Variants in GPC6 observed in about 807,000 individuals in gnomAD.
The protein encoded by GPC6 is glypican 6, also known as glypican-6.
Under a neutral mutation model 55.2 loss-of-function variants are expected in GPC6, and 14 were observed. That is an observed-to-expected ratio of 0.25 (90% CI 0.17 to 0.40). The LOEUF (loss-of-function observed/expected upper bound fraction) is 0.40. GPC6 is among the 10% of genes least tolerant of loss of function. GPC6 has a pLI of 1.00. For missense variants in GPC6, 641 were observed against 708.5 expected (o/e 0.90, Z 1.08); for synonymous variants, 278 against 259.6 (o/e 1.07, Z -0.68).
chr13:93,599,243 A>C (rs544555527), intron 2 of GPC6, among the ~76,000 whole-genome samples: 1 of 152,020 alleles, frequency 6.6e-6, no homozygotes, highest in South Asian at 2.1e-4. Flanking sequence ...TTGATTTTTC[A>C]AGCTTCATTT....
chr13:94,268,635 A>AT (rs376130153), intron 4 of GPC6, among the ~76,000 whole-genome samples: 37 of 151,694 alleles, frequency 2.4e-4, no homozygotes, highest in South Asian at 1.7e-3. Context: ...AGATATTCTG[A>AT]TTTTTTTTTC....
At chr13:94,110,260 G>T (rs1314028601) in intron 4 of GPC6, among the ~76,000 whole-genome samples, 1 of 151,890 alleles carries the variant, frequency 6.6e-6, no homozygotes, top group East Asian at 1.9e-4. Flanking sequence ...AGGAGTAGTG[G>T]AAGATGAGAT....
chr13:93,288,075 T>A (rs186716313), intron 1 of GPC6, among the ~76,000 whole-genome samples: 30 of 152,324 alleles, frequency 2.0e-4, no homozygotes, highest in African/African-American at 7.2e-4. Context: ...GTGAATTATC[T>A]AGAGTGAGCT....
Position 94,199,665 on chromosome 13 carries a change from G to A in GPC6, c.878-86684G>A, listed in dbSNP as rs571792822. On this transcript the variant is annotated intron_variant, in intron 4 of 8. Coordinates refer to ENST00000377047, the MANE Select transcript of GPC6 (RefSeq NM_005708.5). ...GTTCTTTTTCATAGAGTTGTTTGAG[G>A]ATTAAATGGGTAGACAATATATGTG... Among the ~76,000 whole-genome samples, 378 of 152,260 alleles carry A rather than the reference G, an allele frequency of 2.5e-3. 4 individuals are homozygous for A. The highest frequency in any genetic ancestry group is 2.6e-4 in the Non-Finnish European group (18 of 68,016).
chr13:94,397,701 C>G (rs185647858), intron 7 of GPC6, among the ~76,000 whole-genome samples: 1 of 152,228 alleles, frequency 6.6e-6, no homozygotes, highest in African/African-American at 2.4e-5. Context: ...AATTTATAAG[C>G]CCAGTTCTTA....
chr13:93,480,060 T>C (rs1879459261), intron 1 of GPC6, among the ~76,000 whole-genome samples: 1 of 152,190 alleles, frequency 6.6e-6, no homozygotes, highest in Non-Finnish European at 1.5e-5. Context: ...CATGAGACAG[T>C]TTTGTTACTT....
chr13:93,301,936 A>G (rs1878696151), intron 1 of GPC6, among the ~76,000 whole-genome samples: 1 of 152,230 alleles, frequency 6.6e-6, no homozygotes, highest in African/African-American at 2.4e-5. Context: ...TACTAGTGTA[A>G]GGAACAAGAT....
chr13:94,264,330 GAATA>G (rs1426036178), intron 4 of GPC6, among the ~76,000 whole-genome samples: 5 of 152,094 alleles, frequency 3.3e-5, no homozygotes, highest in Non-Finnish European at 4.4e-5. Flanking sequence ...CTGTGCTAAG[GAATA>G]AATAAATAAA....
chr13:94,080,165 G>T (rs1465197606), intron 4 of GPC6, among the ~76,000 whole-genome samples: 1 of 152,102 alleles, frequency 6.6e-6, no homozygotes, highest in Non-Finnish European at 1.5e-5. Context: ...TTTTAGAAGA[G>T]CCCAATTCCC....
intron 1 of GPC6, among the ~76,000 whole-genome samples, chr13:93,333,109 T>C (rs1340576807): frequency 2.6e-5 from 4 of 152,216 alleles, no homozygotes; most frequent in Admixed American, 2.6e-4. Flanking sequence ...GATCGCTTTG[T>C]AGTATATTTC....
At chr13:93,872,595 C>T (rs1241967400) in intron 3 of GPC6, among the ~76,000 whole-genome samples, 1 of 151,838 alleles carries the variant, frequency 6.6e-6, no homozygotes, top group East Asian at 2.0e-4. Flanking sequence ...CATCAGCAGC[C>T]CTTGGCTCGT....
intron 1 of GPC6, among the ~76,000 whole-genome samples, chr13:93,459,011 T>C (rs1295563290): frequency 6.6e-6 from 1 of 152,208 alleles, no homozygotes; most frequent in African/African-American, 2.4e-5. Context: ...GGAGACGTTC[T>C]TCATATAATT....
chr13:94,319,204 T>C (rs976153502), intron 6 of GPC6, among the ~76,000 whole-genome samples: 10 of 152,152 alleles, frequency 6.6e-5, no homozygotes, highest in African/African-American at 2.4e-4. Flanking sequence ...CTTTTTCTTT[T>C]AGTGTTTGGA....
At chr13:94,159,355 G>C (rs977321598) in intron 4 of GPC6, among the ~76,000 whole-genome samples, 1 of 152,178 alleles carries the variant, frequency 6.6e-6, no homozygotes, top group African/African-American at 2.4e-5. Flanking sequence ...TAAAGAAAAA[G>C]AGATTTAATG....
chr13:93,957,690 T>C (rs1204358423), intron 3 of GPC6, among the ~76,000 whole-genome samples: 1 of 152,148 alleles, frequency 6.6e-6, no homozygotes, highest in Non-Finnish European at 1.5e-5. Context: ...AACATATGAG[T>C]GCAATATGTT....
At chr13:93,401,117 A>G (rs1876055164) in intron 1 of GPC6, among the ~76,000 whole-genome samples, 4 of 151,778 alleles carry the variant, frequency 2.6e-5, no homozygotes, top group Admixed American at 2.6e-4. Context: ...CCCACCAGAA[A>G]TCAGGCATTA....
chr13:93,746,244 G>A (rs1884395490), intron 2 of GPC6, among the ~76,000 whole-genome samples: 1 of 152,222 alleles, frequency 6.6e-6, no homozygotes, highest in Non-Finnish European at 1.5e-5. Context: ...AAGGTCAGTG[G>A]TGAGGCAGGA....
chr13:94,289,420 G>A (rs114160519), intron 5 of GPC6, among the ~76,000 whole-genome samples: 2,813 of 152,210 alleles, frequency 0.018, 90 homozygotes, highest in African/African-American at 0.064. Flanking sequence ...GAGTTGGCCT[G>A]TTCACACAGG....
At chr13:93,663,883 A>T (rs1407539305) in intron 2 of GPC6, among the ~76,000 whole-genome samples, 1 of 152,314 alleles carries the variant, frequency 6.6e-6, no homozygotes, top group African/African-American at 2.4e-5. Context: ...TTAGGCTATA[A>T]GTTCCTTACC....
Sources: gnomAD v4.1 joint callset for allele counts (sites outside exome capture counted in the v4.1 genomes callset) on GRCh38, gnomAD v4.1.1 for gene constraint, MANE v1.5 for transcripts, NCBI Gene and HGNC (gene_info 2026-07-23, HGNC 2026-07-21) for gene names.